Variants in FDX1 observed in about 807,000 individuals in gnomAD.
The protein encoded by FDX1 is adrenodoxin, mitochondrial.
In FDX1, 9 loss-of-function variants were observed where a neutral mutation model predicts 14.9. The observed-to-expected ratio is 0.60, with a 90% CI of 0.36 to 1.05. The LOEUF is 1.05. Ranked by LOEUF, FDX1 falls within the 50% of genes least tolerant of loss-of-function variation. The pLI is 0.01. For synonymous variants in FDX1, 92 were observed against 99.4 expected (o/e 0.93, Z 0.44); for missense variants, 204 against 237.2 (o/e 0.86, Z 0.92).
intron 1 of FDX1, 63 bp from the exon 2 acceptor site, chr11:110,435,771 C>G (rs1946364141): frequency 2.0e-5 from 27 of 1,355,474 alleles, no homozygotes; most frequent in Non-Finnish European, 2.6e-5. Flanking sequence ...GGCTTTTAAA[C>G]CAATTATTTT....
At chr11:110,446,508 T>C (rs1946451043) in intron 2 of FDX1, among the ~76,000 whole-genome samples, 1 of 152,250 alleles carries the variant, frequency 6.6e-6, no homozygotes. Context: ...ATCTAACTTC[T>C]TGCTTTACAT....
chr11:110,463,432 C>G lies in FDX1; in HGVS notation c.*964C>G, dbSNP rs376198085. 3.9e-5 allele frequency: 6 copies of G among 152,288 alleles called. No homozygotes were observed. The East Asian group carries it at 5.8e-4, about 15-fold the overall frequency. 9.4% of individuals were successfully genotyped at this position (152,288 alleles called of 1,614,324 possible). On this transcript the variant is annotated 3_prime_UTR_variant, in exon 4 of 4. Transcript: ENST00000260270. ...GAGTGGCAAGCACCACAGATTACCACGTATGTGTGGAAGACATTCGTACTC... is the reference window on the plus strand; with the variant it reads ...GAGTGGCAAGCACCACAGATTACCAGGTATGTGTGGAAGACATTCGTACTC...
At chr11:110,443,144 C>A (rs987192019) in intron 2 of FDX1, among the ~76,000 whole-genome samples, 4 of 152,116 alleles carry the variant, frequency 2.6e-5, no homozygotes, top group Non-Finnish European at 5.9e-5. Context: ...ATGTCTTTAT[C>A]AGCAGCATGA....
intron 1 of FDX1, among the ~76,000 whole-genome samples, chr11:110,431,046 G>A (rs1946327415): frequency 6.6e-6 from 1 of 152,144 alleles, no homozygotes; most frequent in African/African-American, 2.4e-5. Context: ...TTAATACAGC[G>A]ATACAGGTAG....
Position 110,430,180 on chromosome 11 carries a change from G to A in FDX1, c.60G>A (p.Pro20=), listed in dbSNP as rs953235199. ...LRAASAVLGG[P]AGRWLHHAGS... Reference sequence around the variant, plus strand: ...CCGCTTCTGCTGTCCTCGGCGGCCCGGCCGGCCGGTGGCTGCACCACGCTG... The same window carrying A: ...CCGCTTCTGCTGTCCTCGGCGGCCCAGCCGGCCGGTGGCTGCACCACGCTG... The change falls in exon 1 of 4, where the codon CCG becomes CCA. Residue 20 remains proline, a synonymous_variant. Coordinates refer to ENST00000260270, the MANE Select transcript of FDX1 (RefSeq NM_004109.5). The A allele has an allele frequency of 1.8e-5, 22 of 1,231,756 alleles. No homozygotes were observed. Among genetic ancestry groups the A allele is most frequent in the Non-Finnish European group, 2.2e-5 (22 of 989,792 alleles). The allele number at this position is 1,231,756 out of a possible 1,614,324, so 76.3% of individuals were successfully genotyped here.
At chr11:110,443,954 G>A (rs1259679273) in intron 2 of FDX1, among the ~76,000 whole-genome samples, 1 of 151,732 alleles carries the variant, frequency 6.6e-6, no homozygotes, top group African/African-American at 2.4e-5. Context: ...TATAGATTCT[G>A]GATATTAGAC....
In FDX1 at chr11:110,449,143, T is replaced by G. The variant is rs374382997; in HGVS notation, c.311-7775T>G. 3.3e-5 allele frequency among the ~76,000 whole-genome samples: 5 copies of G among 152,244 alleles called. No homozygotes were observed. In the East Asian group the frequency reaches 9.6e-4, roughly 29 times the overall value. The stretch of plus-strand genomic sequence containing the variant: ...ATAGAGGTTAGATATAACAAAATGT[T>G]AGGAAGAAAGCCAAAAACCTGTCAT... On this transcript the variant is annotated intron_variant, in intron 2 of 3. Transcript: ENST00000260270.
At chr11:110,441,838 T>C (rs1285889901) in intron 2 of FDX1, among the ~76,000 whole-genome samples, 1 of 152,194 alleles carries the variant, frequency 6.6e-6, no homozygotes, top group Non-Finnish European at 1.5e-5. Context: ...CTCCAGGGCA[T>C]GTCAGAGATC....
At chr11:110,441,102 A>G (rs1005184040) in intron 2 of FDX1, among the ~76,000 whole-genome samples, 1 of 152,238 alleles carries the variant, frequency 6.6e-6, no homozygotes, top group Non-Finnish European at 1.5e-5. Flanking sequence ...CATGTAAGAT[A>G]TGACTTGCTT....
intron 3 of FDX1, among the ~76,000 whole-genome samples, chr11:110,458,889 G>C (rs1418960164): frequency 6.6e-6 from 1 of 152,184 alleles, no homozygotes; most frequent in Non-Finnish European, 1.5e-5. Flanking sequence ...ACAGGCGTGA[G>C]CCACCGTGCC....
chr11:110,460,132 C>T (rs566997499), intron 3 of FDX1, among the ~76,000 whole-genome samples: 8 of 152,326 alleles, frequency 5.3e-5, no homozygotes, highest in African/African-American at 1.9e-4. Context: ...CACTTTTTCT[C>T]TCTTGCAGAC....
chr11:110,452,819 A>G (rs1260858318), intron 2 of FDX1, among the ~76,000 whole-genome samples: 1 of 152,232 alleles, frequency 6.6e-6, no homozygotes, highest in African/African-American at 2.4e-5. Flanking sequence ...GTTGAGTGAA[A>G]GAAGCCAGTT....
chr11:110,441,865 C>T (rs1565381063), intron 2 of FDX1, among the ~76,000 whole-genome samples: 2 of 152,202 alleles, frequency 1.3e-5, no homozygotes, highest in Admixed American at 6.5e-5. Context: ...GCAGCCCCTC[C>T]CATCACAGGC....
At position 110,430,403 on chromosome 11, in the gene FDX1, G is replaced by C. The variant is rs1160996172; in HGVS notation, c.185+98G>C. On this transcript the variant is annotated intron_variant, in intron 1 of 3. Coordinates refer to ENST00000260270, the MANE Select transcript of FDX1 (RefSeq NM_004109.5). ...CGAGTCTCTGGTTCCAGTGCCTTCT[G>C]CGCGCCGGGCCCACACCCCGGAGGC... 4.7e-6 allele frequency: 4 copies of C among 843,828 alleles called. No homozygotes were observed. In the East Asian group the frequency reaches 1.8e-4, roughly 38 times the overall value. 52.3% of individuals were successfully genotyped at this position (843,828 alleles called of 1,614,324 possible). A position where few individuals can be genotyped will look rare whatever the true frequency, so the allele number is the denominator to read the frequency against.
chr11:110,447,445 T>A (rs1565382800), intron 2 of FDX1, among the ~76,000 whole-genome samples: 1 of 152,062 alleles, frequency 6.6e-6, no homozygotes. Flanking sequence ...AAAGTGAGAC[T>A]CCTTCAAACA....
Position 110,430,082 on chromosome 11 carries a change from G to A in FDX1, c.-39G>A, listed in dbSNP as rs377451495. The A allele has an allele frequency of 1.9e-5, 23 of 1,210,296 alleles. No individual in the cohort carries two copies. In the East Asian group the frequency reaches 2.7e-4, roughly 14 times the overall value. 75.0% of individuals were successfully genotyped at this position (1,210,296 alleles called of 1,614,324 possible). On this transcript the variant is annotated 5_prime_UTR_variant, in exon 1 of 4. Coordinates refer to ENST00000260270, the MANE Select transcript of FDX1 (RefSeq NM_004109.5). ...TTGGAGTCTCTCGCGGCCTCAAAGC[G>A]CGGCCTGCGTCGCTTCCGGCAGTTC...
intron 2 of FDX1, among the ~76,000 whole-genome samples, chr11:110,438,528 C>T (rs1266351301): frequency 1.3e-5 from 2 of 152,068 alleles, no homozygotes; most frequent in South Asian, 2.1e-4. Context: ...CAAGTTCAAG[C>T]GATTCTCCTG....
At chr11:110,450,320 A>G (rs1787245970) in intron 2 of FDX1, among the ~76,000 whole-genome samples, 1 of 152,078 alleles carries the variant, frequency 6.6e-6, no homozygotes. Flanking sequence ...GTAACAGATC[A>G]TCAGGCATTA....
intron 2 of FDX1, among the ~76,000 whole-genome samples, chr11:110,448,120 G>A (rs1449434817): frequency 6.6e-6 from 1 of 152,092 alleles, no homozygotes; most frequent in Non-Finnish European, 1.5e-5. Flanking sequence ...TCACTAGGGG[G>A]CAGTTACACA....
Sources: allele counts gnomAD v4.1 joint callset (sites outside exome capture counted in the v4.1 genomes callset), GRCh38; gene constraint gnomAD v4.1.1; transcripts MANE v1.5; gene names NCBI Gene and HGNC (gene_info 2026-07-23, HGNC 2026-07-21).